TANGO6: variants seen among roughly 807,000 people sequenced by gnomAD.
TANGO6 encodes the protein transport and golgi organization 6 homolog.
In TANGO6, 90 loss-of-function variants were observed where a neutral mutation model predicts 114.2. The ratio of observed to expected loss-of-function variants is 0.79; its 90% CI spans 0.66 to 0.94. The LOEUF (loss-of-function observed/expected upper bound fraction) is 0.94, where lower values mean the gene tolerates loss of function less well. Among genes scored for constraint, TANGO6 ranks in the 40% least tolerant of loss-of-function variants. The pLI, the probability that TANGO6 is intolerant of heterozygous loss-of-function variation, is 0.00. For synonymous variants in TANGO6, 477 were observed against 509.8 expected, an observed-to-expected ratio of 0.94 and a Z score of 0.87; for missense variants, 1,274 against 1,315.3, an observed-to-expected ratio of 0.97 and a Z score of 0.49.
At chr16:69,049,160 G>A (rs1959907366) in intron 17 of TANGO6, among the ~76,000 whole-genome samples, 2 of 152,092 alleles carry the variant, frequency 1.3e-5, no homozygotes, top group Admixed American at 6.6e-5. Context: ...ATAAAGTGGT[G>A]CAATGCTCAT....
chr16:68,889,894 C>G, intron 7 of TANGO6, among the ~76,000 whole-genome samples: 1 of 152,162 alleles, frequency 6.6e-6, no homozygotes, highest in Non-Finnish European at 1.5e-5. Flanking sequence ...TTCAGGGAAA[C>G]TTGTTTTTTA....
intron 15 of TANGO6, among the ~76,000 whole-genome samples, chr16:69,015,844 C>T (rs114764209): frequency 0.012 from 1,859 of 152,170 alleles, 42 homozygotes; most frequent in African/African-American, 0.042. Flanking sequence ...ATAAATGGAA[C>T]GTTAAGTTGC....
Position 68,907,482 on chromosome 16 carries a change from C to A in TANGO6, c.1707C>A (p.Ser569=), listed in dbSNP as rs1391597687. The A allele has an allele frequency of 6.2e-7, 1 of 1,612,954 alleles. No homozygotes were observed. The highest frequency in any genetic ancestry group is 8.5e-7 in the Non-Finnish European group (1 of 1,179,686). Residue 569 remains serine, a synonymous_variant, in exon 10 of 18, where the codon TCC becomes TCA. Transcript: ENST00000261778. ...DEDEALYQKV[S]SEQGRVEHLG... The stretch of plus-strand genomic sequence containing the variant: ...ATGAAGCCCTGTACCAGAAGGTATC[C>A]TCTGAGCAGGGCCGGGTGGAGCATC...
chr16:68,860,061 C>G lies in TANGO6; in HGVS notation c.272C>G (p.Thr91Ser), dbSNP rs1962065987. ...AEWPQNSVDVTWSFTSQTLLL... is the reference protein window; with the variant it reads ...AEWPQNSVDVSWSFTSQTLLL... ...TGGCCACAAAACTCTGTGGATGTCA[C>G]TTGGAGTTTTACCTCTCAAACCTTG... The change falls in exon 2 of 18, where the codon ACT becomes AGT. Residue 91 changes from threonine (T) to serine (S), a missense_variant. Physicochemically the swap from Thr to Ser is moderately conservative, Grantham distance 58. Coordinates refer to ENST00000261778, the MANE Select transcript of TANGO6 (RefSeq NM_024562.2). The G allele has an allele frequency of 1.2e-6, 2 of 1,614,020 alleles. No individual in the cohort carries two copies. The highest frequency in any genetic ancestry group is 2.7e-5 in the African/African-American group (2 of 75,040).
chr16:69,013,040 A>G (rs1959226931), intron 15 of TANGO6, among the ~76,000 whole-genome samples: 1 of 152,172 alleles, frequency 6.6e-6, no homozygotes, highest in South Asian at 2.1e-4. Context: ...TCATACTCAA[A>G]TAGGTTAGCC....
At chr16:68,876,286 C>T (rs930442541) in intron 5 of TANGO6, among the ~76,000 whole-genome samples, 10 of 151,924 alleles carry the variant, frequency 6.6e-5, no homozygotes, top group Non-Finnish European at 2.9e-5. Context: ...CTCAGCCTCC[C>T]GAGTAGCTGG....
chr16:69,079,069 T>TA (rs1388561983), intron 17 of TANGO6, among the ~76,000 whole-genome samples: 1 of 151,322 alleles, frequency 6.6e-6, no homozygotes, highest in East Asian at 2.0e-4. Flanking sequence ...CTCATGCCTG[T>TA]AATCCCAGCA....
At chr16:68,894,343 C>A (rs1218163947) in intron 7 of TANGO6, among the ~76,000 whole-genome samples, 1 of 152,056 alleles carries the variant, frequency 6.6e-6, no homozygotes, top group Non-Finnish European at 1.5e-5. Context: ...TGAACTTTAA[C>A]CTGCATAGGA....
chr16:68,928,374 G>A (rs910209814), intron 13 of TANGO6, among the ~76,000 whole-genome samples: 23 of 132,756 alleles, frequency 1.7e-4, no homozygotes, highest in Admixed American at 6.3e-4. Flanking sequence ...GTGCAATCTC[G>A]GCTCACTGCA....
chr16:69,047,944 C>T (rs1959888548), intron 17 of TANGO6, among the ~76,000 whole-genome samples: 1 of 152,148 alleles, frequency 6.6e-6, no homozygotes, highest in African/African-American at 2.4e-5. Flanking sequence ...AATCTATTCT[C>T]TATCTGTTTT....
rs774834389 is a variant in TANGO6 at position 68,888,556 on chromosome 16, A to G, written c.1377+7926A>G. ...AGGAAAAACTGGGAGGCACTTAAGT[A>G]GTTTATTTCCTCCATTCTCATTTCC... On this transcript the variant is annotated intron_variant, in intron 7 of 17. Coordinates refer to ENST00000261778, the MANE Select transcript of TANGO6 (RefSeq NM_024562.2). 5.9e-5 allele frequency among the ~76,000 whole-genome samples: 9 copies of G among 152,318 alleles called. No homozygotes were observed. In the South Asian group the frequency reaches 1.7e-3, roughly 28 times the overall value.
chr16:69,031,210 C>T (rs1959587759), intron 16 of TANGO6, among the ~76,000 whole-genome samples: 1 of 151,960 alleles, frequency 6.6e-6, no homozygotes, highest in South Asian at 2.1e-4. Flanking sequence ...CAGAATCAAT[C>T]CCAGGAATGT....
intron 15 of TANGO6, among the ~76,000 whole-genome samples, chr16:68,992,445 T>C (rs1963953861): frequency 6.6e-6 from 1 of 152,150 alleles, no homozygotes; most frequent in African/African-American, 2.4e-5. Flanking sequence ...ATAAGATAAT[T>C]TATGTTAAGT....
intron 15 of TANGO6, among the ~76,000 whole-genome samples, chr16:68,982,691 C>T (rs1252017247): frequency 7.7e-6 from 1 of 129,568 alleles, no homozygotes; most frequent in African/African-American, 3.1e-5. Flanking sequence ...AGGCTGGTCT[C>T]GAACTCCTGG....
chr16:68,963,172 A>G (rs2152209624), intron 14 of TANGO6, among the ~76,000 whole-genome samples: 1 of 150,906 alleles, frequency 6.6e-6, no homozygotes, highest in Non-Finnish European at 1.5e-5. Flanking sequence ...CCCAGGATAC[A>G]GTGCAGTGAT....
intron 11 of TANGO6, 171 bp downstream of exon 11, chr16:68,909,573 G>A (rs1962896943): frequency 3.9e-6 from 2 of 506,924 alleles, no homozygotes; most frequent in Non-Finnish European, 3.1e-6. Flanking sequence ...AATCCAAAAC[G>A]TTCCAGTGTC....
At chr16:69,024,704 G>A (rs1959469765) in intron 16 of TANGO6, among the ~76,000 whole-genome samples, 1 of 152,174 alleles carries the variant, frequency 6.6e-6, no homozygotes, top group African/African-American at 2.4e-5. Context: ...TAGTTAACAT[G>A]TGGCCAGGAG....
chr16:69,009,151 G>A (rs1481059150), intron 15 of TANGO6, among the ~76,000 whole-genome samples: 11 of 134,740 alleles, frequency 8.2e-5, no homozygotes, highest in African/African-American at 1.1e-4. Flanking sequence ...GCGTGATCTC[G>A]GCTCACTGAA....
chr16:69,052,610 GC>G (rs1959969827), intron 17 of TANGO6, among the ~76,000 whole-genome samples: 1 of 151,936 alleles, frequency 6.6e-6, no homozygotes, highest in South Asian at 2.1e-4. Flanking sequence ...ATAAAAGTGG[GC>G]CCCCTCAGCT....
Sources: allele counts gnomAD v4.1 joint callset (sites outside exome capture counted in the v4.1 genomes callset), GRCh38; gene constraint gnomAD v4.1.1; transcripts MANE v1.5; gene names NCBI Gene and HGNC (gene_info 2026-07-23, HGNC 2026-07-21).